The following LUC7L2 variants were observed in gnomAD, a reference collection of about 807,000 sequenced individuals.
LUC7L2 encodes putative RNA-binding protein Luc7-like 2.
Under a neutral mutation model 52.8 loss-of-function variants are expected in LUC7L2, and 25 were observed. The ratio of observed to expected loss-of-function variants is 0.47; its 90% confidence interval spans 0.34 to 0.66. The LOEUF (loss-of-function observed/expected upper bound fraction) is 0.66. Ranked by LOEUF, LUC7L2 falls within the 30% of genes least tolerant of loss-of-function variation. The pLI, the probability that LUC7L2 is intolerant of heterozygous loss-of-function variation, is 0.01. For synonymous variants in LUC7L2, 144 were observed against 160.9 expected (o/e 0.89, Z 0.80); for missense variants, 328 against 497.8 (o/e 0.66, Z 3.25).
At chr7:139,352,073 T>C (rs1004298042) in intron 1 of LUC7L2, among the ~76,000 whole-genome samples, 1 of 151,974 alleles carries the variant, frequency 6.6e-6, no homozygotes, top group Non-Finnish European at 1.5e-5. Context: ...CATGCCCCCA[T>C]AGTCCCAGCT....
chr7:139,374,693 T>C, intron 1 of LUC7L2: 1 of 1,324,802 alleles, frequency 7.5e-7, no homozygotes, highest in Non-Finnish European at 9.6e-7. Context: ...TAAATTACTG[T>C]TGTTAAAATT....
intron 2 of LUC7L2, among the ~76,000 whole-genome samples, chr7:139,381,364 ATTTTATTTTAT>A (rs1175128228): frequency 1.1e-4 from 10 of 92,708 alleles, no homozygotes; most frequent in Admixed American, 4.0e-4. Flanking sequence ...ATTTTATTTT[ATTTTATTTTAT>A]TTTTATTTTA....
intron 1 of LUC7L2, among the ~76,000 whole-genome samples, chr7:139,373,651 A>G (rs1159462377): frequency 2.0e-5 from 3 of 151,936 alleles, no homozygotes; most frequent in South Asian, 2.1e-4. Context: ...CTATATTCCT[A>G]TTAGGAATTT....
At chr7:139,345,573 C>T (rs1356962377) in intron 1 of LUC7L2, 3 of 1,614,086 alleles carry the variant, frequency 1.9e-6, no homozygotes, top group Admixed American at 1.7e-5. Context: ...CTGCCTCCTG[C>T]GTAGCATCCG....
chr7:139,350,441 C>T (rs1799418254), intron 1 of LUC7L2, among the ~76,000 whole-genome samples: 1 of 151,550 alleles, frequency 6.6e-6, no homozygotes, highest in Admixed American at 6.6e-5. Flanking sequence ...GTTAGTAATC[C>T]ATGTTGTTGT....
chr7:139,375,567 G>T (rs1410787748), intron 1 of LUC7L2: 5 of 985,594 alleles, frequency 5.1e-6, no homozygotes, highest in Non-Finnish European at 6.0e-6. Context: ...CTGGGGTTCA[G>T]TGGGGATTCG....
chr7:139,350,392 AT>A (rs1799416364), intron 1 of LUC7L2, among the ~76,000 whole-genome samples: 1 of 152,084 alleles, frequency 6.6e-6, no homozygotes, highest in African/African-American at 2.4e-5. Context: ...AAGTGCTAGG[AT>A]TACAGGTGTG....
At chr7:139,355,564 A>G (rs1799583600), upstream of LUC7L2, among the ~76,000 whole-genome samples, 1 of 152,236 alleles carries the variant, frequency 6.6e-6, no homozygotes, top group Non-Finnish European at 1.5e-5. Context: ...ATAAAATGAC[A>G]TTATAGGTTT....
intron 8 of LUC7L2, chr7:139,416,041 ATATATATATATATATATATATATATATAT>A (rs1795589874): frequency 7.2e-4 from 1 of 1,388 alleles, no homozygotes; most frequent in Non-Finnish European, 1.3e-3. Flanking sequence ...GAGGTATAAA[ATATATATATATATATATATATATATATAT>A]ATATATATAT....
chr7:139,389,252 G>A (rs1196880500), intron 2 of LUC7L2, among the ~76,000 whole-genome samples: 2 of 151,984 alleles, frequency 1.3e-5, no homozygotes, highest in Non-Finnish European at 2.9e-5. Flanking sequence ...TTCTGCCTGA[G>A]TAGTCAAGCA....
intron 6 of LUC7L2, among the ~76,000 whole-genome samples, chr7:139,408,100 T>C (rs1314737207): frequency 2.6e-5 from 4 of 152,240 alleles, no homozygotes; most frequent in Non-Finnish European, 4.4e-5. Context: ...GTAACTGTTA[T>C]TGTCAACTGG....
intron 2 of LUC7L2, among the ~76,000 whole-genome samples, chr7:139,396,650 T>C (rs1467545549): frequency 6.6e-6 from 1 of 152,216 alleles, no homozygotes; most frequent in Admixed American, 6.5e-5. Context: ...AATTTTCTCA[T>C]ATTCCTTTTG....
intron 2 of LUC7L2, among the ~76,000 whole-genome samples, chr7:139,396,355 G>A (rs1213559595): frequency 2.6e-5 from 4 of 152,090 alleles, no homozygotes; most frequent in Non-Finnish European, 5.9e-5. Context: ...TAGGTGGGAG[G>A]ATCGCTTGAG....
At chr7:139,405,530 T>C (rs183288469) in intron 4 of LUC7L2, 114 bp from the exon 5 acceptor site, 771 of 1,326,308 alleles carry the variant, frequency 5.8e-4, no homozygotes, top group Non-Finnish European at 7.4e-4. Flanking sequence ...GAAAGCATTC[T>C]TTAACCACAT....
At chr7:139,397,142 A>G (rs1452596498) in intron 2 of LUC7L2, among the ~76,000 whole-genome samples, 2 of 152,198 alleles carry the variant, frequency 1.3e-5, no homozygotes, top group Admixed American at 6.5e-5. Context: ...CCCTGTTACC[A>G]TAAACTTCCC....
chr7:139,417,356 T>G, intron 8 of LUC7L2, 182 bp from the exon 9 acceptor site: 1 of 792,114 alleles, frequency 1.3e-6, no homozygotes, highest in Non-Finnish European at 1.9e-6. Flanking sequence ...TTATTAATGT[T>G]TTATTTTGAA....
At position 139,363,976 on chromosome 7, in the gene LUC7L2, C is replaced by CTTTTTTTTTTTTTTT. The variant is rs1169793101; in HGVS notation, c.61+3667_61+3681dup. Among the ~76,000 whole-genome samples, 56 of 96,098 alleles carry CTTTTTTTTTTTTTTT rather than the reference C, an allele frequency of 5.8e-4. 6 individuals are homozygous for CTTTTTTTTTTTTTTT. The highest frequency in any genetic ancestry group is 2.4e-3 in the African/African-American group (42 of 17,264). 63.0% of individuals were successfully genotyped at this position (96,098 alleles called of 152,430 possible). The stretch of plus-strand genomic sequence containing the variant: ...TGAGGGTGTGGATTTAGATTACATC[C>CTTTTTTTTTTTTTTT]TTTTTTTTTTTTTTTTTTTTTTTTT... On this transcript the variant is annotated intron_variant, in intron 1 of 9. Coordinates refer to ENST00000354926, the MANE Select transcript of LUC7L2 (RefSeq NM_016019.5).
rs1157631307 is a variant in LUC7L2 at position 139,417,797 on chromosome 7, GTTAC to G, written c.1001+72_1001+75del. ...TTTAGAGTTGTTTATGTTTACTTAT[GTTAC>G]TTATGTTTAGAGTTCAGATTATTGG... On this transcript the variant is annotated intron_variant, in intron 9 of 9. Transcript: ENST00000354926. The G allele has an allele frequency of 1.2e-5, 18 of 1,526,200 alleles. No homozygotes were observed. The African/African-American group carries it at 1.4e-4, about 12-fold the overall frequency. The allele number at this position is 1,526,200 out of a possible 1,614,324, so 94.5% of individuals were successfully genotyped here. A position where few individuals can be genotyped will look rare whatever the true frequency, so the allele number is the denominator to read the frequency against.
intron 1 of LUC7L2, among the ~76,000 whole-genome samples, chr7:139,345,219 T>C (rs980813623): frequency 3.3e-5 from 5 of 152,266 alleles, no homozygotes; most frequent in East Asian, 1.9e-4. Context: ...AGTTTCCTCA[T>C]CTGTAAAATT....
Sources: allele counts gnomAD v4.1 joint callset (sites outside exome capture counted in the v4.1 genomes callset), GRCh38; gene constraint gnomAD v4.1.1; transcripts MANE v1.5; gene names NCBI Gene and HGNC (gene_info 2026-07-23, HGNC 2026-07-21).